Variants in FBRS observed in about 807,000 individuals in gnomAD.
FBRS encodes the protein probable fibrosin-1.
A neutral mutation model predicts 86.1 loss-of-function variants in FBRS; 15 were observed. The ratio of observed to expected loss-of-function variants is 0.17; its 90% confidence interval spans 0.12 to 0.27. FBRS has a LOEUF of 0.27. Among genes scored for constraint, FBRS ranks in the 10% least tolerant of loss-of-function variants. The pLI is 1.00. For missense variants in FBRS, 1,367 were observed against 1,301.6 expected (o/e 1.05, Z -0.77); for synonymous variants, 666 against 575.8 (o/e 1.16, Z -2.24).
chr16:30,664,082 C>A, intron 6 of FBRS, 133 bp from the exon 7 acceptor site: 1 of 1,093,628 alleles, frequency 9.1e-7, no homozygotes, highest in Non-Finnish European at 1.2e-6. Context: ...CGGTGGGGGG[C>A]GGTCCTGGGG....
At chr16:30,663,109 C>T in intron 6 of FBRS, 1 of 564,852 alleles carries the variant, frequency 1.8e-6, no homozygotes, top group Non-Finnish European at 2.6e-6. Context: ...GCAGGCAAGT[C>T]TGCTCGGAAT....
chr16:30,663,155 A>G (rs1227880869), intron 6 of FBRS: 1 of 350,860 alleles, frequency 2.9e-6, no homozygotes, highest in Non-Finnish European at 4.8e-6. Flanking sequence ...AAATGCTGAC[A>G]TGATGGTTAA....
intron 2 of FBRS, 93 bp downstream of exon 2, chr16:30,660,535 C>A (rs909147289): frequency 2.4e-6 from 3 of 1,255,372 alleles, no homozygotes; most frequent in Admixed American, 4.0e-5. Context: ...AAACAGAGAC[C>A]CCAGTTTCTA....
intron 2 of FBRS, 152 bp downstream of exon 2, chr16:30,660,594 C>T (rs2052447586): frequency 1.7e-6 from 2 of 1,207,982 alleles, no homozygotes; most frequent in African/African-American, 1.6e-5. Flanking sequence ...TCATCCGGGT[C>T]TGACGAAGGC....
chr16:30,664,425 C>CCCCCCCCCT lies in FBRS; in HGVS notation c.1266_1267insCCCCCCCCT (p.Ser422_Leu423insProProPro). ...CCCCCCCACCACCCCACCACCCCTC[C>CCCCCCCCCT]TTGTTCTCCCCTGGCCCCACCCTGC... On this transcript the variant is annotated inframe_insertion, in exon 7 of 18. Coordinates refer to ENST00000356166, the MANE Select transcript of FBRS (RefSeq NM_001105079.3). 1 of 1,401,664 alleles carries CCCCCCCCCT rather than the reference C, an allele frequency of 7.1e-7. No homozygotes were observed. Among genetic ancestry groups the CCCCCCCCCT allele is most frequent in the Non-Finnish European group, 9.5e-7 (1 of 1,054,486 alleles). 86.8% of individuals were successfully genotyped at this position (1,401,664 alleles called of 1,614,324 possible). A position where few individuals can be genotyped will look rare whatever the true frequency, so the allele number is the denominator to read the frequency against.
chr16:30,665,347 G>T lies in FBRS; in HGVS notation c.1650G>T (p.Pro550=), dbSNP rs762913614. The T allele has an allele frequency of 6.4e-7, 1 of 1,567,636 alleles. No homozygotes were observed. The highest frequency in any genetic ancestry group is 8.6e-7 in the Non-Finnish European group (1 of 1,157,346). ...AFPPAVPGLP[P]GLPPAVSFGS... is the part of the protein sequence containing the mutation. ...CTCCCGCAGTGCCCGGGCTGCCTCC[G>T]GGCCTCCCGCCGGCCGTCTCCTTTG... is the stretch of plus-strand genomic sequence containing the variant. The change falls in exon 10 of 18, where the codon CCG becomes CCT. Residue 550 remains proline (P), a synonymous_variant. Coordinates refer to ENST00000356166, the MANE Select transcript of FBRS (RefSeq NM_001105079.3). The surrounding 1 kb of genome is among the most constrained non-coding windows in gnomAD (Gnocchi z 4.1).
chr16:30,665,321 C>G lies in FBRS; in HGVS notation c.1624C>G (p.Pro542Ala). 6.4e-7 allele frequency: 1 copy of G among 1,564,002 alleles called. No homozygotes were observed. The highest frequency in any genetic ancestry group is 8.7e-7 in the Non-Finnish European group (1 of 1,155,052). ...CTCTCCACAGCCGTACACGGCCTTCCCTCCCGCAGTGCCCGGGCTGCCTCC... is the reference window on the plus strand; with the variant it reads ...CTCTCCACAGCCGTACACGGCCTTCGCTCCCGCAGTGCCCGGGCTGCCTCC... ...LFRHNPYTAF[P>A]PAVPGLPPGL... is the part of the protein sequence containing the mutation. The change falls in exon 10 of 18, where the codon CCT (proline) becomes GCT (alanine). Residue 542 changes from proline (P) to alanine (A), a missense_variant. By Grantham distance (27) the Pro-to-Ala change is conservative (BLOSUM62 -1). This residue lies in a region of FBRS where 659 missense variants were observed against 678.8 expected (regional missense o/e 0.97). Transcript: ENST00000356166. This position sits in a 1 kb window ranked among gnomAD's most constrained non-coding sequence, Gnocchi z 4.1.
At position 30,665,559 on chromosome 16, in the gene FBRS, C is replaced by A; in HGVS notation, c.1705-79C>A. 2.0e-6 allele frequency: 3 copies of A among 1,494,664 alleles called. No individual in the cohort carries two copies. Among genetic ancestry groups the A allele is most frequent in the Non-Finnish European group, 2.7e-6 (3 of 1,094,974 alleles). The allele number at this position is 1,494,664 out of a possible 1,614,324, so 92.6% of individuals were successfully genotyped here. ...TCCAAAGCCATGATCCCTCCCTGCC[C>A]AGTGTCCCAGCTTGGTTCTGGATCC... On this transcript the variant is annotated intron_variant, in intron 10 of 17. Coordinates refer to ENST00000356166, the MANE Select transcript of FBRS (RefSeq NM_001105079.3). The surrounding 1 kb of genome is among the most constrained non-coding windows in gnomAD (Gnocchi z 4.1).
intron 2 of FBRS, 57 bp from the exon 3 acceptor site, chr16:30,661,123 C>T (rs904499654): frequency 7.1e-6 from 11 of 1,549,252 alleles, no homozygotes; most frequent in African/African-American, 2.7e-5. Context: ...GGAGCTGCGA[C>T]TTTCCCAGCT....
intron 11 of FBRS, chr16:30,666,126 G>A: frequency 2.4e-6 from 1 of 420,908 alleles, no homozygotes; most frequent in Non-Finnish European, 4.3e-6. Flanking sequence ...AAACGCACAG[G>A]ACCAGTTTCC....
intron 4 of FBRS, chr16:30,662,000 T>C (rs557872725): frequency 4.9e-6 from 1 of 204,136 alleles, no homozygotes; most frequent in East Asian, 1.5e-4. Context: ...GGCCCATTCT[T>C]GAGGCAATCT....
intron 11 of FBRS, chr16:30,666,212 C>A (rs557695614): frequency 1.8e-6 from 1 of 567,678 alleles, no homozygotes. Context: ...AAACAGACCG[C>A]TATACTCTAA....
Position 30,663,516 on chromosome 16 carries a change from T to TA in FBRS, c.1055+671dup, listed in dbSNP as rs79934414. On this transcript the variant is annotated intron_variant, in intron 6 of 17. Transcript: ENST00000356166. The stretch of plus-strand genomic sequence containing the variant: ...GCGATTGCTTAGGGGGAGGCTAAGT[T>TA]AAAAAAAAAAAAAAGGAAATTGAGT... Among the ~76,000 whole-genome samples the TA allele has an allele frequency of 6.8e-3, 966 of 141,778 alleles. 6 individuals are homozygous for TA. Among genetic ancestry groups the TA allele is most frequent in the African/African-American group, 0.017 (640 of 38,094 alleles). The allele number at this position is 141,778 out of a possible 152,430, so 93.0% of individuals were successfully genotyped here.
Position 30,662,784 on chromosome 16 carries a change from A to C in FBRS, c.980A>C (p.Gln327Pro), listed in dbSNP as rs1371106647. 2 of 1,498,240 alleles carry C rather than the reference A, an allele frequency of 1.3e-6. No individual in the cohort carries two copies. Among genetic ancestry groups the C allele is most frequent in the South Asian group, 1.3e-5 (1 of 77,574 alleles). 92.8% of individuals were successfully genotyped at this position (1,498,240 alleles called of 1,614,324 possible). A position where few individuals can be genotyped will look rare whatever the true frequency, so the allele number is the denominator to read the frequency against. The change falls in exon 6 of 18, where the codon CAG becomes CCG. Residue 327 changes from glutamine to proline, a missense_variant. Gln to Pro is a moderately conservative substitution (Grantham distance 76). Transcript: ENST00000356166. ...AGTCTGCCACCCCCACCCCAGCCCC[A>C]GCTGCAGCTTCGGGTCTCACCCTTC... ...TPSLPPPPQP[Q>P]LQLRVSPFGL...
At chr16:30,666,219 C>G (rs2052520813) in intron 11 of FBRS, 2 of 577,534 alleles carry the variant, frequency 3.5e-6, no homozygotes, top group African/African-American at 1.9e-5. Flanking sequence ...CCGCTATACT[C>G]TAAAGTTGGT....
Position 30,664,449 on chromosome 16 carries a change from G to GCCCCCA in FBRS, c.1301_1306dup (p.Pro434_Pro435dup), listed in dbSNP as rs2052498014. The GCCCCCA allele has an allele frequency of 2.5e-6, 2 of 809,496 alleles. No homozygotes were observed. Among genetic ancestry groups the GCCCCCA allele is most frequent in the Non-Finnish European group, 2.9e-6 (2 of 678,872 alleles). 50.1% of individuals were successfully genotyped at this position (809,496 alleles called of 1,614,324 possible). ...CCTTGTTCTCCCCTGGCCCCACCCT[G>GCCCCCA]CCCCCACCCCCACCCCTGCTGCAGG... On this transcript the variant is annotated inframe_insertion, in exon 7 of 18. Transcript: ENST00000356166.
At position 30,665,174 on chromosome 16, in the gene FBRS, A is replaced by T; in HGVS notation, c.1608+95A>T. 1 of 1,544,978 alleles carries T rather than the reference A, an allele frequency of 6.5e-7. No homozygotes were observed. Among genetic ancestry groups the T allele is most frequent in the Non-Finnish European group, 8.7e-7 (1 of 1,143,560 alleles). ...TGACTGCTGGGGTCCAGTCTTCAGCACAAAAGCAAGAGCCTTGAGCCTGGG... is the reference window on the plus strand; with the variant it reads ...TGACTGCTGGGGTCCAGTCTTCAGCTCAAAAGCAAGAGCCTTGAGCCTGGG... On this transcript the variant is annotated intron_variant, in intron 9 of 17. Transcript: ENST00000356166. This position sits in a 1 kb window ranked among gnomAD's most constrained non-coding sequence, Gnocchi z 4.1.
Position 30,667,418 on chromosome 16 carries a change from C to T in FBRS, c.1974C>T (p.Ala658=), listed in dbSNP as rs1231698285. ...CTGGGCAGGAGCTCTCCCACCCGGCCTCCCTCTTCACTGCGACTGGTGAGT... is the reference window on the plus strand; with the variant it reads ...CTGGGCAGGAGCTCTCCCACCCGGCTTCCCTCTTCACTGCGACTGGTGAGT... The part of the protein sequence containing the change: ...LPPGQELSHP[A]SLFTATGAVH... The change falls in exon 14 of 18, where the codon GCC becomes GCT. Residue 658 remains alanine (A), a synonymous_variant. Coordinates refer to ENST00000356166, the MANE Select transcript of FBRS (RefSeq NM_001105079.3). The T allele has an allele frequency of 3.2e-6, 5 of 1,547,340 alleles. No homozygotes were observed. The highest frequency in any genetic ancestry group is 4.4e-6 in the Non-Finnish European group (5 of 1,144,160).
rs2052442222 is a variant in FBRS at position 30,660,303 on chromosome 16, G to A, written c.500G>A (p.Arg167Gln). The change falls in exon 2 of 18, where the codon CGG becomes CAG. Residue 167 changes from arginine to glutamine, a missense_variant. Around this residue, in one of 3 missense-constraint regions of FBRS, gnomAD observed 702 missense variants for 598.7 expected, o/e 1.17. Coordinates refer to ENST00000356166, the MANE Select transcript of FBRS (RefSeq NM_001105079.3). Reference sequence around the variant, plus strand: ...CAGCCCCCAGAGCGACTGGAACATCGGCTGAAGCATTCTGGGAAGCGGAAA... The same window carrying A: ...CAGCCCCCAGAGCGACTGGAACATCAGCTGAAGCATTCTGGGAAGCGGAAA... ...SLQPPERLEH[R>Q]LKHSGKRKRG... The A allele has an allele frequency of 1.5e-6, 2 of 1,302,018 alleles. No homozygotes were observed. The highest frequency in any genetic ancestry group is 2.5e-5 in the South Asian group (1 of 40,376). 80.7% of individuals were successfully genotyped at this position (1,302,018 alleles called of 1,614,324 possible).
Sources: allele counts gnomAD v4.1 joint callset (sites outside exome capture counted in the v4.1 genomes callset), GRCh38; gene constraint gnomAD v4.1.1; regional missense constraint gnomAD v4.1.1; non-coding constraint Gnocchi (gnomAD v3.1); transcripts MANE v1.5; gene names NCBI Gene and HGNC (gene_info 2026-07-23, HGNC 2026-07-21).